Variants in GRIP1 observed in about 807,000 individuals in gnomAD.
GRIP1 encodes glutamate receptor-interacting protein 1.
Under a neutral mutation model 129.9 loss-of-function variants are expected in GRIP1, and 45 were observed. The observed-to-expected ratio is 0.35, with a 90% confidence interval of 0.27 to 0.44. The LOEUF (loss-of-function observed/expected upper bound fraction) is 0.44. Among genes scored for constraint, GRIP1 ranks in the 20% least tolerant of loss-of-function variants. GRIP1 has a pLI of 1.00. For synonymous variants in GRIP1, 530 were observed against 520.8 expected (o/e 1.02, Z -0.24); for missense variants, 1,196 against 1,396.8 (o/e 0.86, Z 2.29).
intron 4 of GRIP1, among the ~76,000 whole-genome samples, chr12:66,533,355 T>C (rs1275162318): frequency 6.6e-6 from 1 of 151,516 alleles, no homozygotes; most frequent in East Asian, 2.0e-4. Context: ...TTTTAATACA[T>C]AAATATCAGG....
chr12:66,851,208 C>T (rs1405345024), intron 1 of GRIP1, among the ~76,000 whole-genome samples: 2 of 151,762 alleles, frequency 1.3e-5, no homozygotes, highest in African/African-American at 4.8e-5. Flanking sequence ...ATTAGCTGTT[C>T]CTTTTCAAAA....
chr12:66,460,472 T>G (rs552793729), intron 9 of GRIP1, among the ~76,000 whole-genome samples: 3 of 152,244 alleles, frequency 2.0e-5, no homozygotes, highest in South Asian at 2.1e-4. Context: ...CTAGTGACTC[T>G]GGTCACATTT....
At chr12:66,988,291 T>C (rs1340416401) in intron 1 of GRIP1, among the ~76,000 whole-genome samples, 1 of 152,172 alleles carries the variant, frequency 6.6e-6, no homozygotes, top group Non-Finnish European at 1.5e-5. Context: ...TCAAAAATAA[T>C]AATAATAAAT....
intron 4 of GRIP1, among the ~76,000 whole-genome samples, chr12:66,533,833 A>G (rs2061524051): frequency 6.7e-6 from 1 of 148,374 alleles, no homozygotes. Flanking sequence ...GTTTTCTTCT[A>G]TCAGATTACA....
intron 2 of GRIP1, among the ~76,000 whole-genome samples, chr12:66,547,893 A>G (rs1348724674): frequency 6.6e-6 from 1 of 152,196 alleles, no homozygotes; most frequent in African/African-American, 2.4e-5. Context: ...AGTTCTGTAG[A>G]TATTTCTATT....
At chr12:66,506,887 C>T (rs78568097) in intron 7 of GRIP1, among the ~76,000 whole-genome samples, 1 of 151,044 alleles carries the variant, frequency 6.6e-6, no homozygotes, top group African/African-American at 2.4e-5. Flanking sequence ...CTTTTTTTTT[C>T]CTCTAAAAAA....
intron 12 of GRIP1, 28 bp downstream of exon 12, chr12:66,445,294 A>G: frequency 6.3e-7 from 1 of 1,594,136 alleles, no homozygotes. Flanking sequence ...CAGAGCAGAA[A>G]ATGATGCTGT....
At chr12:66,718,000 T>G (rs2035945346) in intron 1 of GRIP1, among the ~76,000 whole-genome samples, 1 of 152,084 alleles carries the variant, frequency 6.6e-6, no homozygotes. Context: ...ATCAAATCAG[T>G]GCTGTGCAGG....
intron 1 of GRIP1, among the ~76,000 whole-genome samples, chr12:66,657,885 A>G (rs1295974110): frequency 2.0e-5 from 3 of 152,226 alleles, no homozygotes; most frequent in Non-Finnish European, 2.9e-5. Flanking sequence ...GGGATTTTAA[A>G]GTTTGCTCTT....
chr12:66,910,036 C>T (rs1205537000), intron 1 of GRIP1, among the ~76,000 whole-genome samples: 4 of 152,148 alleles, frequency 2.6e-5, no homozygotes, highest in Non-Finnish European at 5.9e-5. Flanking sequence ...TCAAAGTCTT[C>T]TTTTAATGGA....
intron 1 of GRIP1, among the ~76,000 whole-genome samples, chr12:66,643,600 T>G (rs2032116284): frequency 6.6e-6 from 1 of 152,210 alleles, no homozygotes; most frequent in South Asian, 2.1e-4. Context: ...ATTATTATTT[T>G]GAAGCACAGT....
At chr12:66,405,441 TCTCTTATTTCAGGG>T (rs1473045382) in intron 16 of GRIP1, among the ~76,000 whole-genome samples, 4 of 152,194 alleles carry the variant, frequency 2.6e-5, no homozygotes, top group Non-Finnish European at 2.9e-5. Flanking sequence ...AGATAAGATG[TCTCTTATTTCAGGG>T]CTACCCAAAG....
chr12:66,994,649 G>A (rs971644281), intron 1 of GRIP1, among the ~76,000 whole-genome samples: 15 of 151,884 alleles, frequency 9.9e-5, no homozygotes, highest in Admixed American at 7.2e-4. Flanking sequence ...TTAACAAAAC[G>A]TGTGAAATCT....
chr12:66,636,818 G>A (rs2031441818), intron 1 of GRIP1, among the ~76,000 whole-genome samples: 1 of 151,552 alleles, frequency 6.6e-6, no homozygotes, highest in African/African-American at 2.4e-5. Context: ...TGCAAACCAG[G>A]AAAAGGGCCC....
chr12:66,577,062 C>T (rs568493923), intron 2 of GRIP1, among the ~76,000 whole-genome samples: 5 of 152,242 alleles, frequency 3.3e-5, no homozygotes, highest in African/African-American at 1.2e-4. Flanking sequence ...ATGCTAAAGA[C>T]CATTGACAAA....
intron 1 of GRIP1, among the ~76,000 whole-genome samples, chr12:66,945,768 G>A (rs1174705102): frequency 1.3e-5 from 2 of 152,158 alleles, no homozygotes; most frequent in Non-Finnish European, 1.5e-5. Flanking sequence ...GAGCCCAGGT[G>A]TCCTCGTCAA....
chr12:66,349,092 T>C lies in GRIP1; in HGVS notation c.3314A>G (p.Gln1105Arg), dbSNP rs769768231. The C allele has an allele frequency of 6.2e-7, 1 of 1,614,150 alleles. No individual in the cohort carries two copies. Among genetic ancestry groups the C allele is most frequent in the Non-Finnish European group, 8.5e-7 (1 of 1,179,976 alleles). Residue 1105 changes from glutamine (Q) to arginine (R), a missense_variant, in exon 25 of 25, where the codon CAG (glutamine) becomes CGG (arginine). Around this residue, in one of 5 missense-constraint regions of GRIP1, gnomAD observed 427 missense variants for 463.3 expected, o/e 0.92. Coordinates refer to ENST00000359742, the MANE Select transcript of GRIP1 (RefSeq NM_001366722.1). The part of the protein sequence containing the change: ...QQSLPGDWSE[Q>R]NSAFFQQPSH... ...AGGCTGCTGGAAAAAAGCACTGTTC[T>C]GTTCACTCCAATCTCCTGGTAGACT...
intron 2 of GRIP1, among the ~76,000 whole-genome samples, chr12:66,572,845 T>C (rs966269798): frequency 6.6e-6 from 1 of 152,166 alleles, no homozygotes; most frequent in Non-Finnish European, 1.5e-5. Flanking sequence ...GCAGTAGGCC[T>C]GACTTGGTAT....
chr12:66,948,436 T>C (rs921814778), intron 1 of GRIP1, among the ~76,000 whole-genome samples: 5 of 152,334 alleles, frequency 3.3e-5, no homozygotes, highest in Middle Eastern at 3.4e-3. Flanking sequence ...ATTGGGAAGA[T>C]ACTGTGTCTT....
Sources: gnomAD v4.1 joint callset for allele counts (sites outside exome capture counted in the v4.1 genomes callset) on GRCh38, gnomAD v4.1.1 for gene constraint, gnomAD v4.1.1 regional missense constraint, MANE v1.5 for transcripts, NCBI Gene and HGNC (gene_info 2026-07-23, HGNC 2026-07-21) for gene names.